Variants in TAB2 observed in about 807,000 individuals in gnomAD.
The protein encoded by TAB2 is TGF-beta-activated kinase 1 and MAP3K7-binding protein 2.
Under a neutral mutation model 65.0 loss-of-function variants are expected in TAB2, and 3 were observed. The observed-to-expected ratio is 0.05, with a 90% CI of 0.02 to 0.12. TAB2 has a LOEUF of 0.12. Among genes scored for constraint, TAB2 ranks in the 10% least tolerant of loss-of-function variants. TAB2 has a pLI of 1.00. For missense variants in TAB2, 623 were observed against 840.3 expected (o/e 0.74, Z 3.20); for synonymous variants, 298 against 285.1 (o/e 1.05, Z -0.46).
chr6:149,379,228 C>T lies in TAB2; in HGVS notation c.1313C>T (p.Pro438Leu). 1.9e-6 allele frequency: 3 copies of T among 1,614,184 alleles called. No homozygotes were observed. Among genetic ancestry groups the T allele is most frequent in the South Asian group, 1.1e-5 (1 of 91,084 alleles). The change falls in exon 3 of 7, where the codon CCC (proline) becomes CTC (leucine). Residue 438 changes from proline to leucine, a missense_variant. Coordinates refer to ENST00000637181, the MANE Select transcript of TAB2 (RefSeq NM_001292034.3). ...MGPAFIHHHPPKSRAIGNNSA... is the reference protein window; with the variant it reads ...MGPAFIHHHPLKSRAIGNNSA... Reference sequence around the variant, plus strand: ...CCTGCCTTTATTCATCACCATCCTCCCAAAAGTCGAGCAATAGGCAATAAC... The same window carrying T: ...CCTGCCTTTATTCATCACCATCCTCTCAAAAGTCGAGCAATAGGCAATAAC...
In TAB2 at chr6:149,378,833, T is replaced by G; in HGVS notation, c.918T>G (p.Ser306=). ...PTIHSSGSSQ[S]SAHSQYNIQN... is the part of the protein sequence containing the mutation. ...TTCATTCATCTGGTAGCTCACAGTC[T>G]TCTGCCCATAGCCAATATAACATTC... The change falls in exon 3 of 7, where the codon TCT becomes TCG. Residue 306 remains serine (S), a synonymous_variant. Transcript: ENST00000637181. 1 of 1,614,206 alleles carries G rather than the reference T, an allele frequency of 6.2e-7. No individual in the cohort carries two copies. Among genetic ancestry groups the G allele is most frequent in the Non-Finnish European group, 8.5e-7 (1 of 1,180,038 alleles).
chr6:149,306,287 T>A (rs1779066895), intron 1 of TAB2, among the ~76,000 whole-genome samples: 1 of 152,112 alleles, frequency 6.6e-6, no homozygotes, highest in Non-Finnish European at 1.5e-5. Context: ...ACGCCTGTAA[T>A]CCCAGCACTT....
chr6:149,331,786 G>T (rs1779793618), intron 1 of TAB2, among the ~76,000 whole-genome samples: 1 of 152,054 alleles, frequency 6.6e-6, no homozygotes, highest in South Asian at 2.1e-4. Context: ...AATTGATATG[G>T]TCATATGGCT....
chr6:149,302,644 G>T (rs777664827), intron 1 of TAB2, among the ~76,000 whole-genome samples: 2 of 152,184 alleles, frequency 1.3e-5, no homozygotes, highest in Non-Finnish European at 2.9e-5. Context: ...TTCTACTAAA[G>T]TACTCCTCAA....
intron 1 of TAB2, among the ~76,000 whole-genome samples, chr6:149,238,984 A>C (rs1044505906): frequency 6.6e-6 from 1 of 152,160 alleles, no homozygotes; most frequent in African/African-American, 2.4e-5. Flanking sequence ...TCATATTCTG[A>C]TGACCAGTTT....
chr6:149,315,694 T>C (rs977917476), upstream of TAB2, among the ~76,000 whole-genome samples: 1 of 152,250 alleles, frequency 6.6e-6, no homozygotes, highest in Non-Finnish European at 1.5e-5. Flanking sequence ...TCTTTGTCTT[T>C]TATGACATTG....
chr6:149,229,203 A>AT (rs1222409576), intron 1 of TAB2, among the ~76,000 whole-genome samples: 3 of 152,202 alleles, frequency 2.0e-5, no homozygotes, highest in Non-Finnish European at 4.4e-5. Flanking sequence ...GGAGAGACAG[A>AT]TAAAAAGAAG....
intron 1 of TAB2, among the ~76,000 whole-genome samples, chr6:149,219,607 G>A (rs971068240): frequency 6.6e-6 from 1 of 152,184 alleles, no homozygotes; most frequent in Non-Finnish European, 1.5e-5. Flanking sequence ...AGTCTGTGCT[G>A]TTTTGTTTTC....
chr6:149,343,479 A>G (rs1780195086), intron 1 of TAB2, among the ~76,000 whole-genome samples: 1 of 152,168 alleles, frequency 6.6e-6, no homozygotes, highest in Non-Finnish European at 1.5e-5. Context: ...CTCAAAAAAA[A>G]AAAAAAAGGT....
chr6:149,262,338 G>A (rs1387302600), intron 1 of TAB2, among the ~76,000 whole-genome samples: 1 of 152,144 alleles, frequency 6.6e-6, no homozygotes, highest in Non-Finnish European at 1.5e-5. Flanking sequence ...TTTGAGACCA[G>A]CCTGGCCAAC....
chr6:149,234,351 G>A (rs1188953770), intron 1 of TAB2, among the ~76,000 whole-genome samples: 1 of 152,126 alleles, frequency 6.6e-6, no homozygotes, highest in East Asian at 1.9e-4. Flanking sequence ...CCCCTTTCTT[G>A]AGAGGTGCCA....
chr6:149,294,297 G>A (rs985541459), intron 1 of TAB2, among the ~76,000 whole-genome samples: 6 of 152,154 alleles, frequency 3.9e-5, no homozygotes, highest in Admixed American at 6.5e-5. Flanking sequence ...TGTAGATGGC[G>A]TCTTCTCCCC....
intron 1 of TAB2, among the ~76,000 whole-genome samples, chr6:149,250,318 CT>C (rs1273605230): frequency 6.9e-6 from 1 of 144,136 alleles, no homozygotes; most frequent in Non-Finnish European, 1.5e-5. Flanking sequence ...TTTTTTTTTT[CT>C]TTTGAGAAGG....
chr6:149,255,661 T>G (rs901169266), intron 1 of TAB2, among the ~76,000 whole-genome samples: 5 of 152,258 alleles, frequency 3.3e-5, no homozygotes, highest in Admixed American at 6.5e-5. Context: ...TGGAAGTGTT[T>G]GTATTCTAGA....
At chr6:149,388,078 T>G (rs1781860804) in intron 3 of TAB2, among the ~76,000 whole-genome samples, 1 of 152,248 alleles carries the variant, frequency 6.6e-6, no homozygotes, top group African/African-American at 2.4e-5. Context: ...TTGATAGATG[T>G]ATCATTTAGG....
intron 2 of TAB2, 25 bp from the exon 3 acceptor site, chr6:149,377,987 TAACATC>T: frequency 6.3e-7 from 1 of 1,583,472 alleles, no homozygotes; most frequent in Non-Finnish European, 8.7e-7. Flanking sequence ...TTCTGATTGT[TAACATC>T]AATCAATTTA....
At chr6:149,367,135 A>G (rs1366403833) in intron 1 of TAB2, among the ~76,000 whole-genome samples, 1 of 152,128 alleles carries the variant, frequency 6.6e-6, no homozygotes, top group East Asian at 1.9e-4. Context: ...CCTTGATCCC[A>G]TGGGGCTAAT....
intron 3 of TAB2, among the ~76,000 whole-genome samples, chr6:149,388,805 A>C (rs1047333883): frequency 1.3e-5 from 2 of 151,824 alleles, no homozygotes; most frequent in Non-Finnish European, 2.9e-5. Context: ...ACTACCTTTT[A>C]GTTAGTCAAT....
chr6:149,307,053 C>T (rs1478984191), intron 1 of TAB2, among the ~76,000 whole-genome samples: 1 of 152,128 alleles, frequency 6.6e-6, no homozygotes, highest in Non-Finnish European at 1.5e-5. Flanking sequence ...CCACAGTCCC[C>T]AAAGGCTGCC....
Sources: gnomAD v4.1 joint callset for allele counts (sites outside exome capture counted in the v4.1 genomes callset) on GRCh38, gnomAD v4.1.1 for gene constraint, MANE v1.5 for transcripts, NCBI Gene and HGNC (gene_info 2026-07-23, HGNC 2026-07-21) for gene names.